PDS5B: variants seen among roughly 807,000 people sequenced by gnomAD.
The protein encoded by PDS5B is sister chromatid cohesion protein PDS5 homolog B.
Under a neutral mutation model 184.1 loss-of-function variants are expected in PDS5B, and 51 were observed. The ratio of observed to expected loss-of-function variants is 0.28; its 90% confidence interval spans 0.22 to 0.35. The LOEUF is 0.35. PDS5B is among the 10% of genes least tolerant of loss of function. The pLI, the probability that PDS5B is intolerant of heterozygous loss-of-function variation, is 1.00. For synonymous variants in PDS5B, 566 were observed against 569.2 expected (o/e 0.99, Z 0.08); for missense variants, 1,180 against 1,723.3 (o/e 0.68, Z 5.58).
chr13:32,615,230 A>G (rs1285100566), intron 1 of PDS5B, among the ~76,000 whole-genome samples: 2 of 152,188 alleles, frequency 1.3e-5, no homozygotes, highest in Non-Finnish European at 2.9e-5. Context: ...GTTCAACATC[A>G]TGTTTATGAG....
At chr13:32,695,284 C>T (rs1252637849) in intron 14 of PDS5B, among the ~76,000 whole-genome samples, 2 of 151,898 alleles carry the variant, frequency 1.3e-5, no homozygotes, top group East Asian at 1.9e-4. Context: ...TTTTATTGAA[C>T]ATAACCTTTT....
chr13:32,653,867 T>C (rs1019579605), intron 3 of PDS5B, among the ~76,000 whole-genome samples: 1 of 152,202 alleles, frequency 6.6e-6, no homozygotes, highest in African/African-American at 2.4e-5. Flanking sequence ...GAAGTCTAAC[T>C]TAAGACTGCT....
At chr13:32,633,277 T>G (rs1173893856) in intron 1 of PDS5B, among the ~76,000 whole-genome samples, 1 of 152,228 alleles carries the variant, frequency 6.6e-6, no homozygotes, top group Non-Finnish European at 1.5e-5. Flanking sequence ...TAATGTCACT[T>G]AATTGTACAT....
chr13:32,683,585 G>T (rs1241997642), intron 10 of PDS5B, among the ~76,000 whole-genome samples: 3 of 152,178 alleles, frequency 2.0e-5, no homozygotes, highest in Non-Finnish European at 4.4e-5. Context: ...CTCCCAAAGT[G>T]CTGGGATTAC....
At chr13:32,760,446 C>A in intron 29 of PDS5B, 129 bp from the exon 30 acceptor site, 1 of 794,004 alleles carries the variant, frequency 1.3e-6, no homozygotes, top group Non-Finnish European at 2.0e-6. Context: ...TATTACTTTG[C>A]TTAAGGATAG....
intron 17 of PDS5B, 92 bp downstream of exon 17, chr13:32,701,530 T>C: frequency 1.4e-6 from 1 of 716,486 alleles, no homozygotes; most frequent in Non-Finnish European, 2.4e-6. Flanking sequence ...TATATCTAGC[T>C]ACACATCTGT....
At chr13:32,727,195 C>G (rs1157655210) in intron 19 of PDS5B, among the ~76,000 whole-genome samples, 1 of 152,094 alleles carries the variant, frequency 6.6e-6, no homozygotes, top group Non-Finnish European at 1.5e-5. Flanking sequence ...TTATCTACAT[C>G]CAATAAAATT....
chr13:32,775,095 A>ATATTTTTTTTT lies in PDS5B; in HGVS notation c.*44_*45insATTTTTTTTTT. ...CTTTCTCTGTGAAAGCTTTGGAAAA[A>ATATTTTTTTTT]TCTTTTTTTTTTTTTTTGGTCAAGC... On this transcript the variant is annotated 3_prime_UTR_variant, in exon 35 of 35. Transcript: ENST00000315596. The ATATTTTTTTTT allele has an allele frequency of 2.6e-5, 14 of 547,506 alleles. No individual in the cohort carries two copies. The highest frequency in any genetic ancestry group is 3.3e-5 in the Non-Finnish European group (13 of 388,630). 33.9% of individuals were successfully genotyped at this position (547,506 alleles called of 1,614,324 possible). A position where few individuals can be genotyped will look rare whatever the true frequency, so the allele number is the denominator to read the frequency against.
intron 25 of PDS5B, 77 bp from the exon 26 acceptor site, chr13:32,755,765 C>T (rs1218453868): frequency 3.2e-5 from 21 of 659,172 alleles, no homozygotes; most frequent in Admixed American, 2.4e-4. Context: ...GTTTTCTAAC[C>T]TGGATATTTT....
intron 1 of PDS5B, among the ~76,000 whole-genome samples, chr13:32,623,088 C>T (rs895225066): frequency 6.6e-6 from 1 of 152,140 alleles, no homozygotes; most frequent in Non-Finnish European, 1.5e-5. Context: ...CAACTGTTTT[C>T]GTGTGCTGAA....
At chr13:32,652,062 T>C (rs754488696) in intron 3 of PDS5B, 55 bp downstream of exon 3, 1 of 1,200,226 alleles carries the variant, frequency 8.3e-7, no homozygotes, top group South Asian at 1.2e-5. Context: ...TTTATCTTTC[T>C]AACTAAAATG....
intron 26 of PDS5B, among the ~76,000 whole-genome samples, chr13:32,756,709 A>G (rs1407782526): frequency 5.3e-5 from 8 of 152,194 alleles, no homozygotes; most frequent in Non-Finnish European, 1.0e-4. Flanking sequence ...TTTTAGAAGT[A>G]TTTTATAGTT....
chr13:32,656,514 G>A (rs564518613), intron 3 of PDS5B, among the ~76,000 whole-genome samples: 3 of 151,150 alleles, frequency 2.0e-5, no homozygotes, highest in Admixed American at 2.0e-4. Context: ...GTTTCTTTGA[G>A]CAATGTTTTG....
intron 1 of PDS5B, among the ~76,000 whole-genome samples, chr13:32,590,606 T>C (rs1452024172): frequency 2.0e-5 from 3 of 152,192 alleles, no homozygotes; most frequent in Non-Finnish European, 4.4e-5. Context: ...TGTCTTTCTC[T>C]AGAAGAGGAT....
At chr13:32,701,589 T>G (rs1951862218) in intron 17 of PDS5B, 151 bp downstream of exon 17, 1 of 509,860 alleles carries the variant, frequency 2.0e-6, no homozygotes, top group East Asian at 3.1e-5. Context: ...TACCTGTATT[T>G]GTATATGCAC....
chr13:32,751,203 T>C (rs1490449158), intron 24 of PDS5B, among the ~76,000 whole-genome samples: 4 of 152,148 alleles, frequency 2.6e-5, no homozygotes, highest in Admixed American at 6.5e-5. Context: ...AAAAAGCACA[T>C]GTAGTATTCC....
chr13:32,736,351 A>G (rs1454910664), intron 21 of PDS5B, among the ~76,000 whole-genome samples: 1 of 151,928 alleles, frequency 6.6e-6, no homozygotes, highest in African/African-American at 2.4e-5. Context: ...TTGTCTGGAA[A>G]GATCTTTATT....
At chr13:32,753,242 A>T in intron 24 of PDS5B, 90 bp from the exon 25 acceptor site, 1 of 959,790 alleles carries the variant, frequency 1.0e-6, no homozygotes, top group Non-Finnish European at 1.6e-6. Flanking sequence ...GCTACTGTTT[A>T]CTCTTTACTT....
intron 13 of PDS5B, among the ~76,000 whole-genome samples, chr13:32,693,060 A>C (rs1951599691): frequency 6.6e-6 from 1 of 151,988 alleles, no homozygotes; most frequent in Admixed American, 6.6e-5. Context: ...GGAAAGAGAG[A>C]ATACATTGAC....
Sources: gnomAD v4.1 joint callset for allele counts (sites outside exome capture counted in the v4.1 genomes callset) on GRCh38, gnomAD v4.1.1 for gene constraint, MANE v1.5 for transcripts, NCBI Gene and HGNC (gene_info 2026-07-23, HGNC 2026-07-21) for gene names.